GABRA2: variants seen among roughly 807,000 people sequenced by gnomAD.
GABRA2 encodes the protein gamma-aminobutyric acid receptor subunit alpha-2.
In GABRA2, 16 loss-of-function variants were observed where a neutral mutation model predicts 48.7. The observed-to-expected ratio is 0.33, with a 90% CI of 0.22 to 0.50. The LOEUF (loss-of-function observed/expected upper bound fraction) is 0.50, where lower values mean the gene tolerates loss of function less well. Among genes scored for constraint, GABRA2 ranks in the 20% least tolerant of loss-of-function variants. The pLI is 0.98. For synonymous variants in GABRA2, 185 were observed against 184.5 expected, an observed-to-expected ratio of 1.00 and a Z score of -0.02; for missense variants, 275 against 535.6, an observed-to-expected ratio of 0.51 and a Z score of 4.80.
chr4:46,349,772 A>C (rs1224603278), intron 3 of GABRA2, among the ~76,000 whole-genome samples: 1 of 151,954 alleles, frequency 6.6e-6, no homozygotes. Context: ...CTTCTTAAAA[A>C]TAAATTTAGC....
At chr4:46,282,353 G>T (rs1421925004) in intron 8 of GABRA2, among the ~76,000 whole-genome samples, 3 of 152,176 alleles carry the variant, frequency 2.0e-5, no homozygotes, top group African/African-American at 7.2e-5. Context: ...CAAGACCCAA[G>T]AATGGGACTT....
intron 8 of GABRA2, among the ~76,000 whole-genome samples, chr4:46,281,424 G>T (rs189887766): frequency 2.1e-3 from 323 of 152,250 alleles, no homozygotes; most frequent in African/African-American, 7.3e-3. Flanking sequence ...AGGGGCTCTG[G>T]GAAAAGATAG....
intron 8 of GABRA2, among the ~76,000 whole-genome samples, chr4:46,269,434 T>C (rs1236069422): frequency 1.3e-5 from 2 of 151,796 alleles, no homozygotes; most frequent in African/African-American, 4.8e-5. Context: ...GATATAGAAA[T>C]AGTTTGAAAA....
At chr4:46,288,915 TGAAG>T (rs1181428620) in intron 8 of GABRA2, among the ~76,000 whole-genome samples, 1 of 152,064 alleles carries the variant, frequency 6.6e-6, no homozygotes, top group Non-Finnish European at 1.5e-5. Context: ...AGACACTTTT[TGAAG>T]GAAGGTGTAC....
At chr4:46,263,882 T>C (rs1440651926) in intron 8 of GABRA2, among the ~76,000 whole-genome samples, 1 of 151,786 alleles carries the variant, frequency 6.6e-6, no homozygotes, top group Non-Finnish European at 1.5e-5. Flanking sequence ...TTTCAATCTT[T>C]GAACACAGGA....
chr4:46,262,792 G>A (rs1717247410), intron 8 of GABRA2, among the ~76,000 whole-genome samples: 1 of 151,998 alleles, frequency 6.6e-6, no homozygotes, highest in Non-Finnish European at 1.5e-5. Context: ...CATCTACTTG[G>A]GAGGCTGAGG....
At chr4:46,305,404 A>T (rs541589023) in intron 7 of GABRA2, among the ~76,000 whole-genome samples, 164 bp downstream of exon 7, 4 of 139,896 alleles carry the variant, frequency 2.9e-5, no homozygotes, top group Admixed American at 7.6e-5. Flanking sequence ...CCTAAAACTT[A>T]AAGTATAATT....
At chr4:46,355,438 C>G (rs911562989) in intron 3 of GABRA2, among the ~76,000 whole-genome samples, 1 of 152,054 alleles carries the variant, frequency 6.6e-6, no homozygotes, top group Non-Finnish European at 1.5e-5. Context: ...GATAATATAT[C>G]CTTTGGGGTC....
intron 3 of GABRA2, among the ~76,000 whole-genome samples, chr4:46,342,368 C>G (rs1176024025): frequency 1.3e-5 from 2 of 151,972 alleles, no homozygotes; most frequent in African/African-American, 4.8e-5. Context: ...TTTCCACAGT[C>G]TCTTAAATCA....
chr4:46,377,990 G>A (rs1213279794), intron 3 of GABRA2, among the ~76,000 whole-genome samples: 2 of 150,978 alleles, frequency 1.3e-5, no homozygotes, highest in African/African-American at 4.9e-5. Flanking sequence ...GAGGTGGGGG[G>A]GTCAGCCCCC....
intron 8 of GABRA2, among the ~76,000 whole-genome samples, chr4:46,285,321 A>G (rs1220429951): frequency 6.6e-6 from 1 of 152,120 alleles, no homozygotes; most frequent in Non-Finnish European, 1.5e-5. Context: ...TTTATATTCA[A>G]ATAGTCTGGA....
At chr4:46,276,023 T>A (rs1356629938) in intron 8 of GABRA2, among the ~76,000 whole-genome samples, 2 of 151,868 alleles carry the variant, frequency 1.3e-5, no homozygotes, top group Non-Finnish European at 2.9e-5. Context: ...ATAATGAGAG[T>A]GGAAAAGTCG....
chr4:46,273,079 A>T (rs532970090), intron 8 of GABRA2, among the ~76,000 whole-genome samples: 2 of 148,880 alleles, frequency 1.3e-5, no homozygotes, highest in African/African-American at 2.5e-5. Flanking sequence ...TAAACAGTGT[A>T]GTGGCATGAT....
chr4:46,273,485 AT>A (rs1719810749), intron 8 of GABRA2, among the ~76,000 whole-genome samples: 1 of 23,944 alleles, frequency 4.2e-5, no homozygotes, highest in Non-Finnish European at 7.2e-5. Context: ...ATATATATGC[AT>A]ATATATATAT....
intron 6 of GABRA2, among the ~76,000 whole-genome samples, chr4:46,308,146 T>C (rs1727027079): frequency 6.6e-6 from 1 of 152,170 alleles, no homozygotes; most frequent in Non-Finnish European, 1.5e-5. Context: ...TAGCTGTCAA[T>C]TTTTAATCTG....
intron 3 of GABRA2, among the ~76,000 whole-genome samples, chr4:46,361,036 T>C (rs545657065): frequency 2.0e-5 from 3 of 152,226 alleles, no homozygotes; most frequent in South Asian, 4.1e-4. Flanking sequence ...AGTTTTAAAA[T>C]GAAAACAGAG....
intron 8 of GABRA2, among the ~76,000 whole-genome samples, chr4:46,266,864 G>A (rs777877971): frequency 6.6e-6 from 1 of 151,360 alleles, no homozygotes; most frequent in African/African-American, 2.4e-5. Flanking sequence ...TGGGATTACA[G>A]GCATGCACCA....
chr4:46,271,709 C>A (rs1030635072), intron 8 of GABRA2, among the ~76,000 whole-genome samples: 2 of 151,836 alleles, frequency 1.3e-5, no homozygotes, highest in South Asian at 2.1e-4. Context: ...ATAATGTGGA[C>A]AACACTGTTG....
chr4:46,369,028 A>G, intron 3 of GABRA2: 1 of 699,564 alleles, frequency 1.4e-6, no homozygotes, highest in Non-Finnish European at 2.6e-6. Context: ...GAAAGCTATT[A>G]AAGATGCTGA....
Sources: gnomAD v4.1 joint callset for allele counts (sites outside exome capture counted in the v4.1 genomes callset) on GRCh38, gnomAD v4.1.1 for gene constraint, MANE v1.5 for transcripts, NCBI Gene and HGNC (gene_info 2026-07-23, HGNC 2026-07-21) for gene names.